Variants in USP34 observed in about 807,000 individuals in gnomAD.
USP34 encodes the protein ubiquitin carboxyl-terminal hydrolase 34.
USP34 carries 70 observed loss-of-function variants against 460.3 expected under a neutral mutation model. The ratio of observed to expected loss-of-function variants is 0.15; its 90% CI spans 0.13 to 0.19. USP34 has a LOEUF of 0.19. USP34 is among the 10% of genes least tolerant of loss of function. The pLI, the probability that USP34 is intolerant of heterozygous loss-of-function variation, is 1.00. For synonymous variants in USP34, 1,647 were observed against 1,405.3 expected (o/e 1.17, Z -3.85); for missense variants, 3,985 against 4,236.2 (o/e 0.94, Z 1.65).
chr2:61,464,156 TA>T (rs1364022355), intron 1 of USP34, among the ~76,000 whole-genome samples: 15 of 152,108 alleles, frequency 9.9e-5, no homozygotes, highest in Non-Finnish European at 2.1e-4. Context: ...TAGTCTCGAC[TA>T]AAAATACAAA....
intron 33 of USP34, among the ~76,000 whole-genome samples, chr2:61,291,021 G>A (rs886707404): frequency 2.3e-4 from 35 of 152,054 alleles, no homozygotes; most frequent in Admixed American, 1.8e-3. Context: ...AGGGAAAAAG[G>A]CAACCCATAG....
At chr2:61,300,824 A>AT in intron 29 of USP34, 127 bp downstream of exon 29, 1 of 257,742 alleles carries the variant, frequency 3.9e-6, no homozygotes, top group African/African-American at 3.2e-5. Context: ...AAAAATGAAC[A>AT]AAAAAAAAAA....
intron 2 of USP34, among the ~76,000 whole-genome samples, chr2:61,418,085 ACTTTTTTTTT>A (rs1202249431): frequency 2.9e-5 from 4 of 139,974 alleles, no homozygotes; most frequent in African/African-American, 1.1e-4. Context: ...TTGTTAACAT[ACTTTTTTTTT>A]TTTAAGATGG....
At chr2:61,259,663 G>A (rs754811482) in intron 44 of USP34, 48 bp downstream of exon 44, 2 of 1,576,730 alleles carry the variant, frequency 1.3e-6, no homozygotes, top group Non-Finnish European at 8.7e-7. Context: ...TATAATTACA[G>A]GCATGAGCCA....
intron 2 of USP34, among the ~76,000 whole-genome samples, chr2:61,413,649 A>G (rs1278586121): frequency 7.0e-6 from 1 of 143,164 alleles, no homozygotes; most frequent in African/African-American, 2.6e-5. Context: ...ATACAGTGAG[A>G]CTCAGTCTCA....
chr2:61,339,686 AGAG>A lies in USP34; in HGVS notation c.2501-8_2501-6del. On this transcript the variant is annotated splice_region_variant and splice_polypyrimidine_tract_variant and intron_variant, in intron 16 of 79. Coordinates refer to ENST00000398571, the MANE Select transcript of USP34 (RefSeq NM_014709.4). Reference sequence around the variant, plus strand: ...GATGTTTATGAACTACAGGTCCTGAAGAGAAAAAAAAAAAAAAGACACACTATA... The same window carrying A: ...GATGTTTATGAACTACAGGTCCTGAAAAAAAAAAAAAAAAGACACACTATA... 2 of 1,418,312 alleles carry A rather than the reference AGAG, an allele frequency of 1.4e-6. No individual in the cohort carries two copies. The highest frequency in any genetic ancestry group is 9.3e-7 in the Non-Finnish European group (1 of 1,071,582). The allele number at this position is 1,418,312 out of a possible 1,614,324, so 87.9% of individuals were successfully genotyped here. A position where few individuals can be genotyped will look rare whatever the true frequency, so the allele number is the denominator to read the frequency against.
intron 53 of USP34, among the ~76,000 whole-genome samples, chr2:61,237,227 G>T (rs1467227384): frequency 2.0e-5 from 3 of 152,094 alleles, no homozygotes; most frequent in African/African-American, 4.8e-5. Context: ...TGTAGCCCCT[G>T]TATCAGACTC....
intron 10 of USP34, among the ~76,000 whole-genome samples, chr2:61,367,000 G>A (rs768568321): frequency 1.3e-5 from 2 of 152,036 alleles, no homozygotes; most frequent in Non-Finnish European, 2.9e-5. Flanking sequence ...AGCAAGTCAA[G>A]ACTCCACCAC....
At chr2:61,278,087 A>T (rs1689425336) in intron 41 of USP34, 78 bp downstream of exon 41, 2 of 1,545,812 alleles carry the variant, frequency 1.3e-6, no homozygotes, top group Admixed American at 3.6e-5. Flanking sequence ...AGCAGTGTAA[A>T]AACGGACTAA....
In USP34 at chr2:61,223,869, A is replaced by G. The variant is rs567958945; in HGVS notation, c.7596-573T>C. 7.9e-5 allele frequency among the ~76,000 whole-genome samples: 12 copies of G among 152,288 alleles called. No individual in the cohort carries two copies. The South Asian group carries it at 1.2e-3, about 16-fold the overall frequency. On this transcript the variant is annotated intron_variant, in intron 62 of 79. Coordinates refer to ENST00000398571, the MANE Select transcript of USP34 (RefSeq NM_014709.4). ...TTATAAAAATTTCAGCTATATTAAA[A>G]AACAGAATAGTACAAGTATTCCATC...
intron 78 of USP34, 170 bp downstream of exon 78, chr2:61,190,101 G>T: frequency 1.3e-6 from 1 of 751,948 alleles, no homozygotes; most frequent in African/African-American, 1.8e-5. Flanking sequence ...AGTGTGCTGT[G>T]TACATACAAG....
Position 61,319,153 on chromosome 2 carries a change from A to G in USP34, c.3168+20T>C. 2.6e-6 allele frequency: 4 copies of G among 1,536,194 alleles called. No homozygotes were observed. The highest frequency in any genetic ancestry group is 3.5e-6 in the Non-Finnish European group (4 of 1,150,630). ...AGGGAACATGGAAAAATAATAACAA[A>G]CTGAGAGAAATGTAATTACCTTCTC... On this transcript the variant is annotated intron_variant, in intron 22 of 79. Transcript: ENST00000398571.
intron 8 of USP34, among the ~76,000 whole-genome samples, chr2:61,373,154 C>T (rs1343343198): frequency 6.6e-6 from 1 of 151,936 alleles, no homozygotes; most frequent in East Asian, 1.9e-4. Context: ...CCCATAAAAT[C>T]GCTAAGAAAA....
intron 19 of USP34, 76 bp from the exon 20 acceptor site, chr2:61,331,447 T>A: frequency 8.5e-7 from 1 of 1,181,224 alleles, no homozygotes; most frequent in Non-Finnish European, 1.1e-6. Flanking sequence ...ACAGTAAATA[T>A]GCAAATCTAA....
At chr2:61,384,486 A>C (rs1326394301) in intron 5 of USP34, among the ~76,000 whole-genome samples, 1 of 152,010 alleles carries the variant, frequency 6.6e-6, no homozygotes, top group Non-Finnish European at 1.5e-5. Context: ...CCTGGGCAAC[A>C]TGGCTGAAAC....
chr2:61,257,490 C>G, intron 44 of USP34, 140 bp from the exon 45 acceptor site: 1 of 603,182 alleles, frequency 1.7e-6, no homozygotes, highest in African/African-American at 1.9e-5. Flanking sequence ...CTATTTCTTT[C>G]TGTTTAGTTT....
intron 27 of USP34, among the ~76,000 whole-genome samples, chr2:61,310,745 T>C (rs760278592): frequency 1.3e-5 from 2 of 151,540 alleles, no homozygotes; most frequent in Non-Finnish European, 2.9e-5. Flanking sequence ...CAAGGAGAGA[T>C]GCACAGGTGA....
At position 61,339,622 on chromosome 2, in the gene USP34, T is replaced by C. The variant is rs768608481; in HGVS notation, c.2560A>G (p.Asn854Asp). 2 of 1,582,052 alleles carry C rather than the reference T, an allele frequency of 1.3e-6. No individual in the cohort carries two copies. Among genetic ancestry groups the C allele is most frequent in the South Asian group, 2.4e-5 (2 of 83,020 alleles). Residue 854 changes from asparagine to aspartate, a missense_variant, in exon 17 of 80, where the codon AAT (asparagine) becomes GAT (aspartate). Around this residue, in one of 14 missense-constraint regions of USP34, gnomAD observed 716 missense variants for 626.2 expected, o/e 1.14. Transcript: ENST00000398571. Reference protein sequence around the residue: ...SNAVTDINLDNVCKKGNTLLW... With the variant: ...SNAVTDINLDDVCKKGNTLLW... ...AAAGTATTTCCTTTCTTGCAAACAT[T>C]ATCCAAATTAATGTCTGTAACAGCA...
intron 5 of USP34, among the ~76,000 whole-genome samples, chr2:61,383,943 TA>T (rs910944426): frequency 3.3e-5 from 5 of 152,288 alleles, no homozygotes; most frequent in Admixed American, 3.3e-4. Flanking sequence ...AATATTTCCT[TA>T]CCAAATAATT....
Sources: allele counts gnomAD v4.1 joint callset (sites outside exome capture counted in the v4.1 genomes callset), GRCh38; gene constraint gnomAD v4.1.1; regional missense constraint gnomAD v4.1.1; transcripts MANE v1.5; gene names NCBI Gene and HGNC (gene_info 2026-07-23, HGNC 2026-07-21).